The following PTPRN2 variants were observed in gnomAD, a reference collection of about 807,000 sequenced individuals.
PTPRN2 encodes receptor-type tyrosine-protein phosphatase N2.
Under a neutral mutation model 118.8 loss-of-function variants are expected in PTPRN2, and 74 were observed. That is an observed-to-expected ratio of 0.62 (90% CI 0.52 to 0.76). PTPRN2 has a LOEUF of 0.76. Among genes scored for constraint, PTPRN2 ranks in the 30% least tolerant of loss-of-function variants. The pLI, the probability that PTPRN2 is intolerant of heterozygous loss-of-function variation, is 0.00. For missense variants in PTPRN2, 1,481 were observed against 1,394.4 expected, an observed-to-expected ratio of 1.06 and a Z score of -0.99; for synonymous variants, 641 against 608.0, an observed-to-expected ratio of 1.05 and a Z score of -0.80.
At chr7:158,514,768 A>T (rs1234513250) in intron 1 of PTPRN2, among the ~76,000 whole-genome samples, 2 of 152,234 alleles carry the variant, frequency 1.3e-5, no homozygotes, top group Non-Finnish European at 2.9e-5. Flanking sequence ...AATAAAACAT[A>T]AGAGGATGAA....
chr7:158,356,787 T>TAAAA, intron 2 of PTPRN2, among the ~76,000 whole-genome samples: 1 of 148,510 alleles, frequency 6.7e-6, no homozygotes, highest in Non-Finnish European at 1.5e-5. Context: ...TGAAAAGAGC[T>TAAAA]AAAAAAAAAA....
chr7:157,962,807 G>A (rs1310182827), intron 11 of PTPRN2, among the ~76,000 whole-genome samples: 2 of 152,330 alleles, frequency 1.3e-5, no homozygotes, highest in Non-Finnish European at 1.5e-5. Flanking sequence ...ATTTACAAAT[G>A]AGGACCATAT....
intron 3 of PTPRN2, among the ~76,000 whole-genome samples, chr7:158,261,313 C>T (rs1196865124): frequency 6.7e-6 from 1 of 150,068 alleles, no homozygotes; most frequent in Admixed American, 6.7e-5. Context: ...TTGGACAGGG[C>T]AAGGAGTCAG....
At chr7:157,730,722 G>A (rs915363923) in intron 12 of PTPRN2, among the ~76,000 whole-genome samples, 15 of 152,158 alleles carry the variant, frequency 9.9e-5, no homozygotes, top group Admixed American at 5.9e-4. Context: ...TGCACGGCCC[G>A]CCTAGGGGAC....
At chr7:158,124,839 A>T (rs1817490025) in intron 9 of PTPRN2, among the ~76,000 whole-genome samples, 1 of 152,228 alleles carries the variant, frequency 6.6e-6, no homozygotes, top group Non-Finnish European at 1.5e-5. Flanking sequence ...CCAGATTCCA[A>T]CAGGAGAGGG....
chr7:158,394,647 A>T (rs566447272), intron 2 of PTPRN2, among the ~76,000 whole-genome samples: 37 of 152,322 alleles, frequency 2.4e-4, no homozygotes, highest in African/African-American at 8.2e-4. Context: ...TCACTCATTG[A>T]TGAGGGGAGC....
At position 157,964,126 on chromosome 7, in the gene PTPRN2, G is replaced by A. The variant is rs1398987072; in HGVS notation, c.1724-65389C>T. 6.6e-6 allele frequency among the ~76,000 whole-genome samples: 1 copy of A among 152,178 alleles called. No homozygotes were observed. The highest frequency in any genetic ancestry group is 2.4e-5 in the African/African-American group (1 of 41,438). On this transcript the variant is annotated intron_variant, in intron 11 of 22. Transcript: ENST00000389418. This position sits in a 1 kb window ranked among gnomAD's most constrained non-coding sequence, Gnocchi z 9.0. ...GACCACCTCGCAGTGACCTCCCTCT[G>A]TGTGGGACCCCCGTTCCCACTGGCA...
intron 14 of PTPRN2, among the ~76,000 whole-genome samples, chr7:157,648,796 G>A (rs1309123214): frequency 1.4e-5 from 2 of 143,936 alleles, no homozygotes; most frequent in African/African-American, 2.6e-5. Flanking sequence ...CACTGAACTC[G>A]GTGGGTCAGA....
At chr7:157,588,420 T>G (rs147890848) in intron 17 of PTPRN2, among the ~76,000 whole-genome samples, 1 of 152,154 alleles carries the variant, frequency 6.6e-6, no homozygotes, top group Non-Finnish European at 1.5e-5. Context: ...AGTCCTAATC[T>G]TACAGCTACA....
intron 11 of PTPRN2, among the ~76,000 whole-genome samples, chr7:157,998,967 G>A (rs1256316314): frequency 6.6e-6 from 1 of 152,066 alleles, no homozygotes; most frequent in Non-Finnish European, 1.5e-5. Flanking sequence ...GCATCCGGGG[G>A]CCAGGGGACT....
chr7:157,633,564 G>A (rs1414001376), intron 14 of PTPRN2, among the ~76,000 whole-genome samples: 1 of 152,252 alleles, frequency 6.6e-6, no homozygotes, highest in Admixed American at 6.5e-5. Flanking sequence ...CGCAGAGCCT[G>A]GGTGTGGGGA....
In PTPRN2 at chr7:157,696,744, T is replaced by A. The variant is rs537396976; in HGVS notation, c.1789-13807A>T. On this transcript the variant is annotated intron_variant, in intron 12 of 22. Transcript: ENST00000389418. Reference sequence around the variant, plus strand: ...TAGCAGAGCCCTCACCGTCTACCCATGCATACTGGATCTTGGCAGAGCCCT... The same window carrying A: ...TAGCAGAGCCCTCACCGTCTACCCAAGCATACTGGATCTTGGCAGAGCCCT... Among the ~76,000 whole-genome samples the A allele has an allele frequency of 2.6e-3, 390 of 147,360 alleles. 1 individual carries two copies. Among genetic ancestry groups the A allele is most frequent in the African/African-American group, 9.5e-3 (374 of 39,466 alleles).
chr7:157,752,467 C>T (rs1442575429), intron 12 of PTPRN2, among the ~76,000 whole-genome samples: 5 of 152,188 alleles, frequency 3.3e-5, no homozygotes, highest in East Asian at 1.9e-4. Context: ...CCCCTGGGGT[C>T]GAGCTGGGCG....
At chr7:158,120,845 G>A (rs1265027858) in intron 9 of PTPRN2, among the ~76,000 whole-genome samples, 1 of 152,174 alleles carries the variant, frequency 6.6e-6, no homozygotes, top group Non-Finnish European at 1.5e-5. Flanking sequence ...CAACAGGGAA[G>A]GGAGCCAGGC....
chr7:157,887,899 A>C, intron 12 of PTPRN2, among the ~76,000 whole-genome samples: 1 of 134,770 alleles, frequency 7.4e-6, no homozygotes, highest in East Asian at 2.2e-4. Context: ...CACCATACCC[A>C]CTCCCCCCAG....
Position 157,943,794 on chromosome 7 carries a change from G to A in PTPRN2, c.1724-45057C>T, listed in dbSNP as rs141283246. Among the ~76,000 whole-genome samples, 369 of 152,268 alleles carry A rather than the reference G, an allele frequency of 2.4e-3. 1 individual carries two copies. The highest frequency in any genetic ancestry group is 3.4e-3 in the Non-Finnish European group (228 of 68,016). ...GAAGTGCCATTCCATGGAAGGCCCG[G>A]CTCAGCCTCCCTGGGTCAAGCTCCT... is the stretch of plus-strand genomic sequence containing the variant. On this transcript the variant is annotated intron_variant, in intron 11 of 22. Transcript: ENST00000389418.
Position 158,121,918 on chromosome 7 carries a change from G to C in PTPRN2, c.1557-11003C>G, listed in dbSNP as rs183827230. Reference sequence around the variant, plus strand: ...TTCTGTAAAGCAGACAAACAAGACAGGGCTGACTGTGCTCACAATGATCAC... The same window carrying C: ...TTCTGTAAAGCAGACAAACAAGACACGGCTGACTGTGCTCACAATGATCAC... On this transcript the variant is annotated intron_variant, in intron 9 of 22. Transcript: ENST00000389418. Among the ~76,000 whole-genome samples the C allele has an allele frequency of 4.0e-3, 615 of 152,332 alleles. 2 individuals are homozygous for C. Among genetic ancestry groups the C allele is most frequent in the Non-Finnish European group, 6.6e-3 (450 of 68,034 alleles).
intron 1 of PTPRN2, among the ~76,000 whole-genome samples, chr7:158,523,227 G>C (rs1188107324): frequency 6.6e-5 from 10 of 152,172 alleles, no homozygotes. Flanking sequence ...GTGTGACCAG[G>C]GGCGGGGGTG....
intron 11 of PTPRN2, among the ~76,000 whole-genome samples, chr7:157,938,000 G>A (rs1243396637): frequency 2.6e-5 from 4 of 152,104 alleles, no homozygotes; most frequent in Non-Finnish European, 5.9e-5. Flanking sequence ...TGTGGCATGC[G>A]GAGCCACTCA....
Sources: gnomAD v4.1 joint callset for allele counts (sites outside exome capture counted in the v4.1 genomes callset) on GRCh38, gnomAD v4.1.1 for gene constraint, Gnocchi (gnomAD v3.1) non-coding constraint, MANE v1.5 for transcripts, NCBI Gene and HGNC (gene_info 2026-07-23, HGNC 2026-07-21) for gene names.